The following EYS variants were observed in gnomAD, a reference collection of about 807,000 sequenced individuals.
EYS encodes protein eyes shut homolog.
In EYS, 250 loss-of-function variants were observed where a neutral mutation model predicts 282.1. The observed-to-expected ratio is 0.89, with a 90% CI of 0.80 to 0.98. EYS has a LOEUF of 0.98. Ranked by LOEUF, EYS falls within the 50% of genes least tolerant of loss-of-function variation. The pLI is 0.00. For missense variants in EYS, 4,016 were observed against 3,709.0 expected, an observed-to-expected ratio of 1.08 and a Z score of -2.15; for synonymous variants, 1,355 against 1,282.9, an observed-to-expected ratio of 1.06 and a Z score of -1.20.
chr6:64,742,727 C>T (rs1772418029), intron 22 of EYS, among the ~76,000 whole-genome samples: 1 of 152,082 alleles, frequency 6.6e-6, no homozygotes, highest in Admixed American at 6.6e-5. Flanking sequence ...CAACTGTTTA[C>T]ATGTCAATCA....
intron 8 of EYS, among the ~76,000 whole-genome samples, chr6:65,382,502 T>TGTGTGC (rs1468660894): frequency 9.3e-5 from 14 of 150,548 alleles, no homozygotes; most frequent in African/African-American, 3.2e-4. Flanking sequence ...TGTGTGTGTG[T>TGTGTGC]GCTCTTCTAG....
chr6:64,159,546 C>A (rs1171340210), intron 31 of EYS, among the ~76,000 whole-genome samples: 1 of 114,610 alleles, frequency 8.7e-6, no homozygotes. Context: ...GGCGACAGAG[C>A]GAGACTCTGT....
intron 30 of EYS, among the ~76,000 whole-genome samples, chr6:64,261,115 A>G (rs1431001796): frequency 6.6e-6 from 1 of 152,048 alleles, no homozygotes; most frequent in Non-Finnish European, 1.5e-5. Context: ...CAAATACTAG[A>G]TCATACTCAT....
intron 2 of EYS, among the ~76,000 whole-genome samples, chr6:65,609,927 T>C (rs547877528): frequency 6.6e-6 from 1 of 152,246 alleles, no homozygotes; most frequent in Admixed American, 6.5e-5. Context: ...ACACTGGTTA[T>C]AAAAATATCC....
intron 8 of EYS, among the ~76,000 whole-genome samples, chr6:65,363,233 T>C (rs975415973): frequency 3.3e-5 from 5 of 151,958 alleles, no homozygotes; most frequent in African/African-American, 9.7e-5. Context: ...TTTGCTCTTA[T>C]AGGCTACATA....
In EYS at chr6:64,030,875, C is replaced by G. The variant is rs543492341; in HGVS notation, c.6726-31692G>C. 1.4e-4 allele frequency among the ~76,000 whole-genome samples: 22 copies of G among 152,372 alleles called. No homozygotes were observed. The South Asian group carries it at 4.3e-3, about 30-fold the overall frequency. On this transcript the variant is annotated intron_variant, in intron 33 of 42. Coordinates refer to ENST00000503581, the MANE Select transcript of EYS (RefSeq NM_001142800.2). ...TTTCCCTGGCCTAGAGACCTCCCCT[C>G]TGGAGGACACTACAACTGCAGGGCC...
intron 22 of EYS, among the ~76,000 whole-genome samples, chr6:64,706,861 T>A (rs1367469839): frequency 6.6e-6 from 1 of 152,164 alleles, no homozygotes; most frequent in Non-Finnish European, 1.5e-5. Context: ...TTTACACCAC[T>A]GGTGGGAATG....
At chr6:64,959,104 G>A (rs1202529221) in intron 14 of EYS, among the ~76,000 whole-genome samples, 1 of 152,168 alleles carries the variant, frequency 6.6e-6, no homozygotes, top group Non-Finnish European at 1.5e-5. Flanking sequence ...ATACTCAGTC[G>A]TAGTTGTGGT....
intron 2 of EYS, among the ~76,000 whole-genome samples, chr6:65,532,902 C>T (rs1767829680): frequency 6.6e-6 from 1 of 152,056 alleles, no homozygotes; most frequent in Non-Finnish European, 1.5e-5. Context: ...GTTCAACTAT[C>T]CTTTTTAATG....
At chr6:64,171,105 A>G (rs1393082462) in intron 31 of EYS, among the ~76,000 whole-genome samples, 3 of 152,146 alleles carry the variant, frequency 2.0e-5, no homozygotes, top group Non-Finnish European at 2.9e-5. Context: ...CCACTACTTT[A>G]TGATACAAAG....
chr6:65,571,687 A>T (rs1250423742), intron 2 of EYS, among the ~76,000 whole-genome samples: 1 of 152,070 alleles, frequency 6.6e-6, no homozygotes, highest in Non-Finnish European at 1.5e-5. Flanking sequence ...AAACAACAAT[A>T]GTTCGATAAT....
At chr6:65,185,831 G>A (rs1830587) in intron 12 of EYS, among the ~76,000 whole-genome samples, 13,965 of 151,654 alleles carry the variant, frequency 0.092, 725 homozygotes, top group African/African-American at 0.14. Flanking sequence ...GTTTTATTAT[G>A]TGATTTTATT....
At chr6:65,114,065 G>A (rs1775296970) in intron 12 of EYS, among the ~76,000 whole-genome samples, 1 of 151,772 alleles carries the variant, frequency 6.6e-6, no homozygotes, top group South Asian at 2.1e-4. Flanking sequence ...CAAAACGTAT[G>A]AGAAACAAAT....
At chr6:65,181,829 C>T (rs1371158988) in intron 12 of EYS, among the ~76,000 whole-genome samples, 1 of 152,028 alleles carries the variant, frequency 6.6e-6, no homozygotes, top group Non-Finnish European at 1.5e-5. Context: ...CAAGGATAGA[C>T]TGGATTAAGA....
chr6:65,157,642 G>T (rs1764758673), intron 12 of EYS, among the ~76,000 whole-genome samples: 1 of 150,290 alleles, frequency 6.7e-6, no homozygotes, highest in Non-Finnish European at 1.5e-5. Flanking sequence ...ACTAGTCTGG[G>T]TTAGAAAAAT....
chr6:65,167,767 A>G (rs1254455633), intron 12 of EYS, among the ~76,000 whole-genome samples: 1 of 151,222 alleles, frequency 6.6e-6, no homozygotes, highest in Non-Finnish European at 1.5e-5. Flanking sequence ...AAGTGCCTGT[A>G]TTTTATACCT....
chr6:64,531,593 ATTTTATTTTTTG>A (rs1321548393), intron 26 of EYS, among the ~76,000 whole-genome samples: 4 of 134,492 alleles, frequency 3.0e-5, no homozygotes, highest in African/African-American at 1.4e-4. Context: ...ATTTTATTTT[ATTTTATTTTTTG>A]TATTTTTAGT....
intron 22 of EYS, among the ~76,000 whole-genome samples, chr6:64,694,778 C>A (rs1770517819): frequency 6.6e-6 from 1 of 152,142 alleles, no homozygotes; most frequent in South Asian, 2.1e-4. Context: ...GAGACTGGAT[C>A]AGGAGAAGTT....
chr6:65,350,249 T>G (rs900957486), intron 9 of EYS, among the ~76,000 whole-genome samples: 3 of 151,440 alleles, frequency 2.0e-5, no homozygotes, highest in Non-Finnish European at 4.4e-5. Flanking sequence ...AACAATATAC[T>G]AAGAAAAATA....
Sources: gnomAD v4.1 joint callset for allele counts (sites outside exome capture counted in the v4.1 genomes callset) on GRCh38, gnomAD v4.1.1 for gene constraint, MANE v1.5 for transcripts, NCBI Gene and HGNC (gene_info 2026-07-23, HGNC 2026-07-21) for gene names.